SVOP: variants seen among roughly 807,000 people sequenced by gnomAD.
SVOP encodes the protein synaptic vesicle 2-related protein.
A neutral mutation model predicts 69.1 loss-of-function variants in SVOP; 17 were observed. The observed-to-expected ratio is 0.25, with a 90% CI of 0.17 to 0.37. The LOEUF (loss-of-function observed/expected upper bound fraction) is 0.37. Among genes scored for constraint, SVOP ranks in the 10% least tolerant of loss-of-function variants. SVOP has a pLI of 1.00. For synonymous variants in SVOP, 238 were observed against 238.6 expected, an observed-to-expected ratio of 1.00 and a Z score of 0.02; for missense variants, 435 against 597.5, an observed-to-expected ratio of 0.73 and a Z score of 2.84.
At chr12:108,917,984 C>T in intron 14 of SVOP, 59 bp downstream of exon 14, 3 of 1,376,348 alleles carry the variant, frequency 2.2e-6, no homozygotes, top group Non-Finnish European at 3.0e-6. Context: ...CAGAGCATCC[C>T]CCACAGCCAC....
At chr12:109,018,910 C>A (rs1448836183) in intron 1 of SVOP, among the ~76,000 whole-genome samples, 1 of 152,172 alleles carries the variant, frequency 6.6e-6, no homozygotes, top group African/African-American at 2.4e-5. Flanking sequence ...GAATTAAGTA[C>A]TGTTATGATC....
intron 8 of SVOP, 147 bp downstream of exon 8, chr12:108,940,637 C>CCATA (rs1193437483): frequency 3.2e-6 from 4 of 1,241,678 alleles, no homozygotes; most frequent in Non-Finnish European, 3.3e-6. Flanking sequence ...CTACCCCAGG[C>CCATA]CATAGCTCCC....
At chr12:108,944,179 C>CTTT (rs36133433) in intron 7 of SVOP, among the ~76,000 whole-genome samples, 1 of 143,348 alleles carries the variant, frequency 7.0e-6, no homozygotes, top group South Asian at 2.2e-4. Context: ...TGCGCCTGGC[C>CTTT]TTTTTTTTTT....
rs987586681 is a variant in SVOP, at chr12:108,940,666, TA to T, written c.768+117del. 8.1e-5 allele frequency: 114 copies of T among 1,410,876 alleles called. 2 individuals carry two copies. Among genetic ancestry groups the T allele is most frequent in the South Asian group, 7.0e-4 (49 of 70,102 alleles). The allele number at this position is 1,410,876 out of a possible 1,614,324, so 87.4% of individuals were successfully genotyped here. A position where few individuals can be genotyped will look rare whatever the true frequency, so the allele number is the denominator to read the frequency against. ...AGCTCCCTTGTCTCATTTCCTGATT[TA>T]AAAAAAATAATCTTGAAAGGTGGCT... On this transcript the variant is annotated intron_variant, in intron 8 of 15. Coordinates refer to ENST00000610966, the MANE Select transcript of SVOP (RefSeq NM_018711.5).
intron 15 of SVOP, among the ~76,000 whole-genome samples, chr12:108,915,411 G>C (rs1293345218): frequency 6.6e-6 from 1 of 152,018 alleles, no homozygotes; most frequent in Non-Finnish European, 1.5e-5. Context: ...TCAATGTCTA[G>C]CTCCCAGAGA....
intron 1 of SVOP, among the ~76,000 whole-genome samples, chr12:109,013,214 A>G (rs2040351286): frequency 6.6e-6 from 1 of 152,216 alleles, no homozygotes; most frequent in South Asian, 2.1e-4. Context: ...TGAAACTCTC[A>G]TGAGGGAAGA....
At chr12:108,947,540 C>T (rs1171202766) in intron 6 of SVOP, among the ~76,000 whole-genome samples, 1 of 152,192 alleles carries the variant, frequency 6.6e-6, no homozygotes. Flanking sequence ...AATTTGGTCT[C>T]ATTATCCTCA....
intron 13 of SVOP, among the ~76,000 whole-genome samples, chr12:108,918,888 C>T (rs2039730617): frequency 6.6e-6 from 1 of 152,148 alleles, no homozygotes; most frequent in Admixed American, 6.5e-5. Flanking sequence ...CTACAACCCC[C>T]ATCAGAGACC....
intron 5 of SVOP, among the ~76,000 whole-genome samples, chr12:108,963,046 A>C (rs1483349637): frequency 1.3e-5 from 2 of 152,166 alleles, no homozygotes; most frequent in East Asian, 3.8e-4. Context: ...TTGGAAAAAA[A>C]ATTAAGAGTA....
At chr12:108,928,892 A>T (rs10778669) in intron 11 of SVOP, among the ~76,000 whole-genome samples, 73,059 of 152,056 alleles carry the variant, frequency 0.48, 19,333 homozygotes, top group East Asian at 0.64. Flanking sequence ...TTTTGAAGCA[A>T]ATCATAAAAC....
chr12:108,924,183 G>A (rs1271887415), intron 11 of SVOP, among the ~76,000 whole-genome samples: 1 of 152,168 alleles, frequency 6.6e-6, no homozygotes, highest in Non-Finnish European at 1.5e-5. Flanking sequence ...CTATAAAGCA[G>A]AGAGCTCTCC....
At chr12:109,012,257 TGAGCAACA>T (rs2040346105) in intron 1 of SVOP, among the ~76,000 whole-genome samples, 1 of 151,358 alleles carries the variant, frequency 6.6e-6, no homozygotes, top group Non-Finnish European at 1.5e-5. Context: ...CACTCCAGCC[TGAGCAACA>T]GAGCGAGACT....
intron 6 of SVOP, among the ~76,000 whole-genome samples, chr12:108,946,620 C>A (rs1344443914): frequency 6.6e-6 from 1 of 151,542 alleles, no homozygotes; most frequent in Non-Finnish European, 1.5e-5. Flanking sequence ...TATCTTCTAT[C>A]TATCTATCTA....
At chr12:108,918,191 T>C (rs1245937560) in intron 13 of SVOP, 67 bp from the exon 14 acceptor site, 2 of 1,345,876 alleles carry the variant, frequency 1.5e-6, no homozygotes, top group Non-Finnish European at 2.0e-6. Flanking sequence ...TAGTCCTATC[T>C]TCCCAGGCAG....
chr12:108,973,291 A>G (rs1418147361), intron 4 of SVOP, among the ~76,000 whole-genome samples: 1 of 152,222 alleles, frequency 6.6e-6, no homozygotes, highest in African/African-American at 2.4e-5. Context: ...GTCTGACCCA[A>G]AAAGCATTTC....
intron 1 of SVOP, among the ~76,000 whole-genome samples, chr12:109,008,016 T>C (rs576455231): frequency 6.7e-6 from 1 of 149,484 alleles, no homozygotes; most frequent in East Asian, 2.0e-4. Context: ...CCAGCCAGGG[T>C]GACAGAGTGA....
chr12:108,962,011 T>G (rs933367116), intron 5 of SVOP, among the ~76,000 whole-genome samples: 1 of 152,246 alleles, frequency 6.6e-6, no homozygotes, highest in African/African-American at 2.4e-5. Context: ...CAGTTTCCTG[T>G]GCGGGCAAAC....
At chr12:108,935,237 C>G (rs951314971) in intron 10 of SVOP, among the ~76,000 whole-genome samples, 2 of 152,168 alleles carry the variant, frequency 1.3e-5, no homozygotes, top group Non-Finnish European at 2.9e-5. Flanking sequence ...TTTATTAATT[C>G]CTGGCTGACC....
chr12:108,972,247 G>A (rs776214584), intron 5 of SVOP, among the ~76,000 whole-genome samples, 158 bp downstream of exon 5: 1 of 151,910 alleles, frequency 6.6e-6, no homozygotes. Context: ...GCTTTGAAGA[G>A]AGTCCACAGC....
Sources: allele counts gnomAD v4.1 joint callset (sites outside exome capture counted in the v4.1 genomes callset), GRCh38; gene constraint gnomAD v4.1.1; transcripts MANE v1.5; gene names NCBI Gene and HGNC (gene_info 2026-07-23, HGNC 2026-07-21).